Variants in ABLIM1 observed in about 807,000 individuals in gnomAD.
ABLIM1 encodes actin binding LIM protein 1.
In ABLIM1, 40 loss-of-function variants were observed where a neutral mutation model predicts 107.0. That is an observed-to-expected ratio of 0.37 (90% confidence interval 0.29 to 0.49). The LOEUF (loss-of-function observed/expected upper bound fraction) is 0.49, where lower values mean the gene tolerates loss of function less well. ABLIM1 is among the 20% of genes least tolerant of loss of function. The probability of loss-of-function intolerance (pLI) is 0.97; values close to 1 mark genes in which losing one functional copy is unlikely to be tolerated. For synonymous variants in ABLIM1, 357 were observed against 357.3 expected (o/e 1.00, Z 0.01); for missense variants, 857 against 1,008.5 (o/e 0.85, Z 2.04).
chr10:114,697,142 T>C (rs1203509753), intron 1 of ABLIM1, among the ~76,000 whole-genome samples: 1 of 152,160 alleles, frequency 6.6e-6, no homozygotes, highest in Non-Finnish European at 1.5e-5. Context: ...CCTTCCCTTC[T>C]CATTTCTGCT....
intron 2 of ABLIM1, among the ~76,000 whole-genome samples, chr10:114,595,905 A>G (rs989982204): frequency 6.6e-6 from 1 of 152,148 alleles, no homozygotes; most frequent in African/African-American, 2.4e-5. Context: ...CTTCTTCCCA[A>G]CATAGACCAC....
At chr10:114,633,017 C>T (rs2078282443) in intron 1 of ABLIM1, among the ~76,000 whole-genome samples, 1 of 152,160 alleles carries the variant, frequency 6.6e-6, no homozygotes, top group African/African-American at 2.4e-5. Context: ...CTCTGTCTCC[C>T]AAATCCAGCT....
chr10:114,551,519 G>A (rs1341946662), intron 4 of ABLIM1, among the ~76,000 whole-genome samples: 2 of 152,180 alleles, frequency 1.3e-5, no homozygotes, highest in Non-Finnish European at 2.9e-5. Context: ...AGGCTGAAGT[G>A]GAGTTACACT....
chr10:114,545,186 C>G, intron 5 of ABLIM1, 88 bp from the exon 6 acceptor site: 1 of 1,178,100 alleles, frequency 8.5e-7, no homozygotes, highest in Non-Finnish European at 1.3e-6. Context: ...GGCCTTTCCA[C>G]AGAAGGGCAG....
intron 6 of ABLIM1, among the ~76,000 whole-genome samples, chr10:114,530,618 T>C (rs1024228242): frequency 6.6e-6 from 1 of 152,122 alleles, no homozygotes; most frequent in Non-Finnish European, 1.5e-5. Flanking sequence ...ACTGCAACCT[T>C]CACCTCCTGG....
intron 1 of ABLIM1, among the ~76,000 whole-genome samples, chr10:114,713,870 C>T (rs2081605287): frequency 6.6e-6 from 1 of 152,206 alleles, no homozygotes; most frequent in East Asian, 1.9e-4. Context: ...AAAAAATTTA[C>T]ACAACAGATT....
intron 11 of ABLIM1, among the ~76,000 whole-genome samples, chr10:114,466,327 T>G (rs2065150805): frequency 1.3e-5 from 2 of 152,150 alleles, no homozygotes; most frequent in Non-Finnish European, 2.9e-5. Flanking sequence ...AAAAAAAATT[T>G]TAAGGATGAA....
chr10:114,644,637 G>A (rs1359588059), intron 1 of ABLIM1, among the ~76,000 whole-genome samples: 2 of 152,094 alleles, frequency 1.3e-5, no homozygotes, highest in Non-Finnish European at 2.9e-5. Context: ...CACTGGATCA[G>A]AGAGAGGCCC....
chr10:114,747,580 C>T (rs560189321), intron 1 of ABLIM1, among the ~76,000 whole-genome samples: 20 of 152,112 alleles, frequency 1.3e-4, no homozygotes, highest in African/African-American at 4.6e-4. Flanking sequence ...GCCAAGCTGT[C>T]GAAAATGGAT....
chr10:114,792,133 C>G, the ABLIM1 span, among the ~76,000 whole-genome samples: 1 of 152,162 alleles, frequency 6.6e-6, no homozygotes, highest in African/African-American at 2.4e-5. Flanking sequence ...CCAGACTGGG[C>G]AACAAGGTGG....
rs2060865697 is a variant in ABLIM1 at position 114,445,426 on chromosome 10, T to C, written c.1736-23A>G. The C allele has an allele frequency of 1.9e-6, 3 of 1,593,638 alleles. No individual in the cohort carries two copies. The Admixed American group carries it at 5.0e-5, about 27-fold the overall frequency. Reference sequence around the variant, plus strand: ...GTCCTAATTCCACAGCAAAGACAACTTCTCACATCAGCCCCAAGACAAGGG... The same window carrying C: ...GTCCTAATTCCACAGCAAAGACAACCTCTCACATCAGCCCCAAGACAAGGG... On this transcript the variant is annotated intron_variant, in intron 15 of 22. Transcript: ENST00000533213.
At chr10:114,741,951 G>C (rs1018507167) in intron 1 of ABLIM1, among the ~76,000 whole-genome samples, 2 of 152,216 alleles carry the variant, frequency 1.3e-5, no homozygotes, top group African/African-American at 4.8e-5. Context: ...GCATCCTGTA[G>C]AAGTTTCTAG....
intron 2 of ABLIM1, among the ~76,000 whole-genome samples, chr10:114,601,268 T>TC (rs2075969492): frequency 6.6e-6 from 1 of 150,470 alleles, no homozygotes; most frequent in African/African-American, 2.4e-5. Context: ...TTTCTTTCTT[T>TC]TTTTTTTTTT....
At chr10:114,588,423 C>G (rs1028340567) in intron 2 of ABLIM1, among the ~76,000 whole-genome samples, 5 of 151,766 alleles carry the variant, frequency 3.3e-5, no homozygotes, top group Admixed American at 6.6e-5. Context: ...GATCAGAGAA[C>G]CTTTATCTAG....
chr10:114,595,708 A>G (rs1404481366), intron 2 of ABLIM1, among the ~76,000 whole-genome samples: 1 of 152,166 alleles, frequency 6.6e-6, no homozygotes, highest in East Asian at 1.9e-4. Context: ...CATCAATTAA[A>G]CCACTTCCTT....
chr10:114,788,691 G>A, the ABLIM1 span, among the ~76,000 whole-genome samples: 4 of 151,980 alleles, frequency 2.6e-5, no homozygotes, highest in Non-Finnish European at 4.4e-5. Flanking sequence ...TTGCCCCACC[G>A]CACTCCAGCC....
chr10:114,621,348 T>G (rs1022758542), intron 1 of ABLIM1, among the ~76,000 whole-genome samples: 33 of 152,288 alleles, frequency 2.2e-4, no homozygotes, highest in Admixed American at 3.3e-4. Flanking sequence ...AGAACTGCAT[T>G]TTATGTGTTG....
chr10:114,489,297 G>A (rs955448459), intron 7 of ABLIM1, among the ~76,000 whole-genome samples: 13 of 152,106 alleles, frequency 8.5e-5, no homozygotes, highest in African/African-American at 2.9e-4. Context: ...GATTACAGGC[G>A]TGAGCCACCA....
At chr10:114,701,194 A>C (rs1405989426) in intron 1 of ABLIM1, among the ~76,000 whole-genome samples, 1 of 152,198 alleles carries the variant, frequency 6.6e-6, no homozygotes, top group East Asian at 1.9e-4. Context: ...AAAAGTTCTC[A>C]AATAATTAGC....
Sources: allele counts gnomAD v4.1 joint callset (sites outside exome capture counted in the v4.1 genomes callset), GRCh38; gene constraint gnomAD v4.1.1; transcripts MANE v1.5; gene names NCBI Gene and HGNC (gene_info 2026-07-23, HGNC 2026-07-21).